SKAP1: variants seen among roughly 807,000 people sequenced by gnomAD.
SKAP1 encodes src kinase-associated phosphoprotein 1.
SKAP1 carries 44 observed loss-of-function variants against 58.5 expected under a neutral mutation model. The ratio of observed to expected loss-of-function variants is 0.75; its 90% CI spans 0.59 to 0.97. The LOEUF (loss-of-function observed/expected upper bound fraction) is 0.97. Ranked by LOEUF, SKAP1 falls within the 50% of genes least tolerant of loss-of-function variation. The pLI, the probability that SKAP1 is intolerant of heterozygous loss-of-function variation, is 0.00. For synonymous variants in SKAP1, 127 were observed against 149.7 expected (o/e 0.85, Z 1.11); for missense variants, 390 against 435.2 (o/e 0.90, Z 0.92).
intron 4 of SKAP1, among the ~76,000 whole-genome samples, chr17:48,257,301 T>TA (rs1229406747): frequency 2.0e-5 from 3 of 152,080 alleles, no homozygotes; most frequent in Non-Finnish European, 4.4e-5. Context: ...ATTCTGGGGT[T>TA]AAAAAAATTG....
chr17:48,375,199 T>G (rs1463734979), intron 2 of SKAP1, among the ~76,000 whole-genome samples: 2 of 152,180 alleles, frequency 1.3e-5, no homozygotes, highest in Non-Finnish European at 2.9e-5. Flanking sequence ...AGTCTATATT[T>G]ACAAGCCCAT....
At chr17:48,142,981 C>CTTT (rs776705662) in intron 11 of SKAP1, among the ~76,000 whole-genome samples, 8 of 132,994 alleles carry the variant, frequency 6.0e-5, no homozygotes, top group Non-Finnish European at 8.1e-5. Context: ...AAAAAAAAAA[C>CTTT]TTTTTTTTTT....
At position 48,244,936 on chromosome 17, in the gene SKAP1, G is replaced by A. The variant is rs10514937; in HGVS notation, c.281-55436C>T. Among the ~76,000 whole-genome samples the A allele has an allele frequency of 8.8e-3, 1,340 of 152,262 alleles. 8 individuals carry two copies. Among genetic ancestry groups the A allele is most frequent in the South Asian group, 0.026 (127 of 4,828 alleles). ...TGAGTCTAAAACCTGGACCATAATC[G>A]TAGAAAATGAAAACAGAAGATTTCT... On this transcript the variant is annotated intron_variant, in intron 4 of 12. Transcript: ENST00000336915.
chr17:48,145,899 GCA>G (rs2063826193), intron 11 of SKAP1, among the ~76,000 whole-genome samples: 1 of 151,958 alleles, frequency 6.6e-6, no homozygotes, highest in Non-Finnish European at 1.5e-5. Context: ...ATCCTCCAGG[GCA>G]CAGATTCTTA....
At chr17:48,297,972 T>C (rs1050531426) in intron 4 of SKAP1, among the ~76,000 whole-genome samples, 5 of 152,166 alleles carry the variant, frequency 3.3e-5, no homozygotes, top group African/African-American at 1.2e-4. Flanking sequence ...TGAACCTGTT[T>C]CCTGTTTTCA....
At chr17:48,299,032 T>A (rs981745002) in intron 4 of SKAP1, among the ~76,000 whole-genome samples, 2 of 152,208 alleles carry the variant, frequency 1.3e-5, no homozygotes, top group Non-Finnish European at 2.9e-5. Flanking sequence ...GGAACATTCG[T>A]ATTTATAATT....
At chr17:48,164,711 A>G (rs2064112648) in intron 10 of SKAP1, among the ~76,000 whole-genome samples, 2 of 152,224 alleles carry the variant, frequency 1.3e-5, no homozygotes, top group African/African-American at 4.8e-5. Flanking sequence ...TCAGCCCAAG[A>G]ATAGGGAACT....
intron 4 of SKAP1, among the ~76,000 whole-genome samples, chr17:48,274,435 G>A (rs964790792): frequency 1.5e-4 from 23 of 151,778 alleles, no homozygotes; most frequent in African/African-American, 4.8e-4. Flanking sequence ...GGTGGCTCAC[G>A]CATGTAATCC....
intron 1 of SKAP1, 142 bp from the exon 2 acceptor site, chr17:48,396,927 TAAA>T (rs35139298): frequency 2.5e-5 from 9 of 355,634 alleles, no homozygotes; most frequent in South Asian, 4.5e-5. Context: ...TAAAGTATAA[TAAA>T]AAAAAAAAAA....
chr17:48,397,872 G>C (rs936993444), intron 1 of SKAP1, among the ~76,000 whole-genome samples: 4 of 152,116 alleles, frequency 2.6e-5, no homozygotes, highest in African/African-American at 9.7e-5. Flanking sequence ...ATTGCAGAGG[G>C]GGGGTGGTTC....
At chr17:48,204,980 T>C (rs1299777926) in intron 4 of SKAP1, among the ~76,000 whole-genome samples, 1 of 55,586 alleles carries the variant, frequency 1.8e-5, no homozygotes, top group Non-Finnish European at 3.5e-5. Flanking sequence ...TTCTTTTCTT[T>C]CTTTCTTTCT....
chr17:48,205,033 T>TC (rs2064790085), intron 4 of SKAP1, among the ~76,000 whole-genome samples: 3 of 43,924 alleles, frequency 6.8e-5, no homozygotes, highest in African/African-American at 1.9e-4. Context: ...CTTTCTTTCT[T>TC]TCTTTCTCTC....
At chr17:48,179,945 G>T in intron 9 of SKAP1, 109 bp downstream of exon 9, 1 of 993,322 alleles carries the variant, frequency 1.0e-6, no homozygotes, top group Non-Finnish European at 1.5e-6. Context: ...TCCTTCAGAG[G>T]ATGAGGGTTA....
chr17:48,369,794 G>C (rs577045818), intron 2 of SKAP1, among the ~76,000 whole-genome samples: 56 of 152,238 alleles, frequency 3.7e-4, no homozygotes, highest in African/African-American at 1.3e-3. Context: ...ATGGACAAGT[G>C]GACAAGTTTC....
Position 48,189,415 on chromosome 17 carries a change from A to G in SKAP1, c.358+8T>C. The G allele has an allele frequency of 6.2e-7, 1 of 1,608,448 alleles. No individual in the cohort carries two copies. Among genetic ancestry groups the G allele is most frequent in the East Asian group, 2.2e-5 (1 of 44,832 alleles). On this transcript the variant is annotated splice_region_variant and intron_variant, in intron 5 of 12. Coordinates refer to ENST00000336915, the MANE Select transcript of SKAP1 (RefSeq NM_003726.4). ...GAATGTTCTGAAATCTGTGGGTCTG[A>G]CCAATACCTTTGCTTTTCTTCTCCA...
intron 4 of SKAP1, among the ~76,000 whole-genome samples, chr17:48,333,303 AGTAT>A (rs1253221366): frequency 6.6e-6 from 1 of 152,228 alleles, no homozygotes; most frequent in Non-Finnish European, 1.5e-5. Context: ...AAATAACATA[AGTAT>A]GTAAGAAGCA....
chr17:48,416,764 C>T (rs1165293898), intron 1 of SKAP1, among the ~76,000 whole-genome samples: 1 of 152,188 alleles, frequency 6.6e-6, no homozygotes, highest in African/African-American at 2.4e-5. Context: ...GTCTCATTGA[C>T]AGCTTCTGGT....
At chr17:48,279,391 T>C (rs2065740500) in intron 4 of SKAP1, among the ~76,000 whole-genome samples, 2 of 152,326 alleles carry the variant, frequency 1.3e-5, no homozygotes, top group South Asian at 2.1e-4. Flanking sequence ...ATGGGTGTCA[T>C]AGTCACTAAG....
chr17:48,277,363 C>G (rs2065713772), intron 4 of SKAP1, among the ~76,000 whole-genome samples: 2 of 152,318 alleles, frequency 1.3e-5, no homozygotes, highest in South Asian at 4.1e-4. Context: ...AACTAACAGA[C>G]CCTCTGTCAT....
Sources: allele counts gnomAD v4.1 joint callset (sites outside exome capture counted in the v4.1 genomes callset), GRCh38; gene constraint gnomAD v4.1.1; transcripts MANE v1.5; gene names NCBI Gene and HGNC (gene_info 2026-07-23, HGNC 2026-07-21).